Variants in TEX14 observed in about 807,000 individuals in gnomAD.
TEX14 encodes inactive serine/threonine-protein kinase TEX14.
In TEX14, 168 loss-of-function variants were observed where a neutral mutation model predicts 178.6. The observed-to-expected ratio is 0.94, with a 90% CI of 0.83 to 1.07. TEX14 has a LOEUF of 1.07. Among genes scored for constraint, TEX14 ranks in the 50% least tolerant of loss-of-function variants. TEX14 has a pLI of 0.00. For synonymous variants in TEX14, 626 were observed against 634.1 expected (o/e 0.99, Z 0.19); for missense variants, 1,730 against 1,753.6 (o/e 0.99, Z 0.24).
Position 58,565,747 on chromosome 17 carries a change from C to T in TEX14, c.3964G>A (p.Asp1322Asn), listed in dbSNP as rs2144343034. ...AAAACAATCTAGGTAGTTCACTTAC[C>T]ATTTGCAGTGCCTCCTCCATCACTT... ...TASDGGGTAN[D>N]QRHLEEQETD... is the part of the protein sequence containing the mutation. Residue 1322 changes from aspartate to asparagine, a missense_variant and splice_region_variant, in exon 27 of 32, where the codon GAT becomes AAT. Physicochemically the swap from Asp to Asn is conservative, Grantham distance 23. Coordinates refer to ENST00000349033, the MANE Select transcript of TEX14 (RefSeq NM_031272.5). The T allele has an allele frequency of 2.5e-6, 4 of 1,604,870 alleles. No individual in the cohort carries two copies. The highest frequency in any genetic ancestry group is 2.2e-5 in the East Asian group (1 of 44,776).
intron 29 of TEX14, among the ~76,000 whole-genome samples, chr17:58,561,032 A>T (rs879352128): frequency 6.6e-6 from 1 of 152,208 alleles, no homozygotes; most frequent in Non-Finnish European, 1.5e-5. Flanking sequence ...GTAAAATTAT[A>T]GTGAGCAGAA....
chr17:58,593,382 C>T (rs897894505), intron 15 of TEX14, among the ~76,000 whole-genome samples, 173 bp downstream of exon 15: 1 of 152,220 alleles, frequency 6.6e-6, no homozygotes, highest in African/African-American at 2.4e-5. Flanking sequence ...CTCAAGTTCC[C>T]ATGACACTGC....
chr17:58,578,366 A>G (rs2044730042), intron 20 of TEX14, among the ~76,000 whole-genome samples: 1 of 133,088 alleles, frequency 7.5e-6, no homozygotes. Flanking sequence ...ACTTTATACC[A>G]GGGGAAAGTA....
intron 1 of TEX14, among the ~76,000 whole-genome samples, chr17:58,673,736 A>C (rs2143495572): frequency 6.6e-6 from 1 of 151,146 alleles, no homozygotes; most frequent in East Asian, 2.0e-4. Flanking sequence ...TAATTTTTTC[A>C]ATCTTTTTTT....
In TEX14 at chr17:58,599,025, T is replaced by C. The variant is rs2045361564; in HGVS notation, c.2320A>G (p.Thr774Ala). 2 of 1,613,990 alleles carry C rather than the reference T, an allele frequency of 1.2e-6. No individual in the cohort carries two copies. Among genetic ancestry groups the C allele is most frequent in the African/African-American group, 1.3e-5 (1 of 74,900 alleles). The change falls in exon 14 of 32, where the codon ACT (threonine) becomes GCT (alanine). Residue 774 changes from threonine (T) to alanine (A), a missense_variant. Thr to Ala is a moderately conservative substitution (Grantham distance 58). This residue lies in a region of TEX14 where 941 missense variants were observed against 1,072.4 expected (regional missense o/e 0.88). Transcript: ENST00000349033. ...EQEERMSLWA[T>A]SREFTNAYKL... ...TAGGCATTTGTAAACTCTCTTGAAGTGGCCCATAAAGACATGCGCTCTTCC... is the reference window on the plus strand; with the variant it reads ...TAGGCATTTGTAAACTCTCTTGAAGCGGCCCATAAAGACATGCGCTCTTCC...
chr17:58,671,752 TTCTA>T (rs1213492889), intron 1 of TEX14, among the ~76,000 whole-genome samples: 1 of 152,188 alleles, frequency 6.6e-6, no homozygotes, highest in East Asian at 1.9e-4. Context: ...CGTTTTCTTG[TTCTA>T]TTTTCTCACC....
At chr17:58,581,972 A>G (rs1195511127) in intron 19 of TEX14, among the ~76,000 whole-genome samples, 1 of 152,110 alleles carries the variant, frequency 6.6e-6, no homozygotes, top group Non-Finnish European at 1.5e-5. Flanking sequence ...CAGCATCATC[A>G]TCTGCAGAAT....
At chr17:58,621,824 C>CT in intron 4 of TEX14, 38 bp from the exon 5 acceptor site, 1 of 1,583,366 alleles carries the variant, frequency 6.3e-7, no homozygotes, top group Non-Finnish European at 8.6e-7. Context: ...GCGGGCGCAC[C>CT]AGTTCTCAAT....
Position 58,581,172 on chromosome 17 carries a change from G to A in TEX14, c.3172-1441C>T, listed in dbSNP as rs562076412. On this transcript the variant is annotated intron_variant, in intron 19 of 31. Transcript: ENST00000349033. ...CTAAAAATACAAAAATTAGCTGGGT[G>A]TGATGGCACACGCCTGTAATTCCAG... 4.8e-4 allele frequency among the ~76,000 whole-genome samples: 73 copies of A among 152,200 alleles called. 1 individual carries two copies. The South Asian group carries it at 0.015, about 30-fold the overall frequency.
intron 4 of TEX14, 22 bp from the exon 5 acceptor site, chr17:58,621,808 C>T (rs1270295901): frequency 1.2e-6 from 2 of 1,605,392 alleles, no homozygotes; most frequent in African/African-American, 2.7e-5. Context: ...CGCAGAGATG[C>T]CCAGTGCGGG....
chr17:58,602,011 T>C (rs1223558103), intron 12 of TEX14, 55 bp from the exon 13 acceptor site: 3 of 1,585,480 alleles, frequency 1.9e-6, no homozygotes, highest in Non-Finnish European at 1.7e-6. Flanking sequence ...TGAATGTCAC[T>C]GGTGCTTTAG....
intron 28 of TEX14, among the ~76,000 whole-genome samples, chr17:58,563,668 G>T (rs1164945735): frequency 0.01 from 242 of 23,620 alleles, no homozygotes; most frequent in Middle Eastern, 0.028. Context: ...TAGAGAGAGA[G>T]AGAGAGAGAG....
chr17:58,680,509 A>G (rs1039478406), intron 1 of TEX14, among the ~76,000 whole-genome samples: 3 of 152,164 alleles, frequency 2.0e-5, no homozygotes, highest in African/African-American at 7.2e-5. Flanking sequence ...TGGGAGGCCA[A>G]TGCGGGCAGA....
rs201818573 is a variant in TEX14, at chr17:58,621,698, G to T, written c.506C>A (p.Pro169Gln). Residue 169 changes from proline to glutamine, a missense_variant, in exon 5 of 32, where the codon CCG becomes CAG. This residue lies in a region of TEX14 where 789 missense variants were observed against 681.2 expected (regional missense o/e 1.16). Coordinates refer to ENST00000349033, the MANE Select transcript of TEX14 (RefSeq NM_031272.5). The stretch of plus-strand genomic sequence containing the variant: ...GGACGGGCTGTAGACAAGCCGCTGC[G>T]GGGAGTCTATCTTCTTCAGGAGGTC... Reference protein sequence around the residue: ...SYDLLKKIDSPQRLVYSPSWC... With the variant: ...SYDLLKKIDSQQRLVYSPSWC... 2.5e-6 allele frequency: 4 copies of T among 1,614,160 alleles called. No homozygotes were observed. In the African/African-American group the frequency reaches 4.0e-5, roughly 16 times the overall value.
rs72826362 is a variant in TEX14, at chr17:58,588,581, G to T, written c.2577-560C>A. Among the ~76,000 whole-genome samples the T allele has an allele frequency of 2.3e-3, 357 of 152,122 alleles. 1 individual carries two copies. The highest frequency in any genetic ancestry group is 3.4e-3 in the Middle Eastern group (1 of 294). The stretch of plus-strand genomic sequence containing the variant: ...ATTACAGGTGTGAGCCACCATGCCC[G>T]GCCTAACGTTTGTAAAAACAGTCTT... On this transcript the variant is annotated intron_variant, in intron 15 of 31. Coordinates refer to ENST00000349033, the MANE Select transcript of TEX14 (RefSeq NM_031272.5).
In TEX14 at chr17:58,611,312, C is replaced by T. The variant is rs780960738; in HGVS notation, c.1033G>A (p.Glu345Lys). ...RRSQFPVLHM[E>K]VIVHLLLQIS... ...TGGAGCAGCAGGTGCACAATCACCTCCATGTGCAGCACTGGGAACTGGGAC... is the reference window on the plus strand; with the variant it reads ...TGGAGCAGCAGGTGCACAATCACCTTCATGTGCAGCACTGGGAACTGGGAC... The change falls in exon 10 of 32, where the codon GAG becomes AAG. Residue 345 changes from glutamate to lysine, a missense_variant. Glu to Lys is a moderately conservative substitution (Grantham distance 56). Around this residue, in one of 2 missense-constraint regions of TEX14, gnomAD observed 789 missense variants for 681.2 expected, o/e 1.16. Coordinates refer to ENST00000349033, the MANE Select transcript of TEX14 (RefSeq NM_031272.5). The T allele has an allele frequency of 6.2e-7, 1 of 1,613,134 alleles. No homozygotes were observed. The highest frequency in any genetic ancestry group is 8.5e-7 in the Non-Finnish European group (1 of 1,179,368).
At chr17:58,642,052 A>G (rs1427533038) in intron 2 of TEX14, among the ~76,000 whole-genome samples, 3 of 152,184 alleles carry the variant, frequency 2.0e-5, no homozygotes, top group African/African-American at 7.2e-5. Flanking sequence ...CATTAAATAC[A>G]TCATCTCTCA....
chr17:58,690,919 T>C (rs1411218493), intron 1 of TEX14, among the ~76,000 whole-genome samples: 6 of 152,150 alleles, frequency 3.9e-5, no homozygotes, highest in African/African-American at 1.4e-4. Flanking sequence ...CAAGCTGGAG[T>C]GCAGTGGCGT....
At chr17:58,568,215 G>A (rs2044443596) in intron 26 of TEX14, among the ~76,000 whole-genome samples, 1 of 152,184 alleles carries the variant, frequency 6.6e-6, no homozygotes, top group Non-Finnish European at 1.5e-5. Context: ...TGGCACTGGG[G>A]GAGGGGTAAA....
Sources: gnomAD v4.1 joint callset for allele counts (sites outside exome capture counted in the v4.1 genomes callset) on GRCh38, gnomAD v4.1.1 for gene constraint, gnomAD v4.1.1 regional missense constraint, MANE v1.5 for transcripts, NCBI Gene and HGNC (gene_info 2026-07-23, HGNC 2026-07-21) for gene names.